PCDHGB4: variants seen among roughly 807,000 people sequenced by gnomAD.
The protein encoded by PCDHGB4 is protocadherin gamma-B4.
A neutral mutation model predicts 60.5 loss-of-function variants in PCDHGB4; 38 were observed. The observed-to-expected ratio is 0.63, with a 90% CI of 0.48 to 0.82. The LOEUF (loss-of-function observed/expected upper bound fraction) is 0.82. Among genes scored for constraint, PCDHGB4 ranks in the 40% least tolerant of loss-of-function variants. PCDHGB4 has a pLI of 0.00. For synonymous variants in PCDHGB4, 456 were observed against 509.7 expected (o/e 0.89, Z 1.42); for missense variants, 1,109 against 1,209.6 (o/e 0.92, Z 1.23).
In PCDHGB4 at chr5:141,477,191, A is replaced by G; in HGVS notation, c.2398-17616A>G. ...GGAGATCACAGTCACCTCCGTGTACAGCCCAGTACCCGAGGATGCCCCTCT... is the reference window on the plus strand; with the variant it reads ...GGAGATCACAGTCACCTCCGTGTACGGCCCAGTACCCGAGGATGCCCCTCT... On this transcript the variant is annotated intron_variant, in intron 1 of 3. Transcript: ENST00000519479. This position sits in a 1 kb window ranked among gnomAD's most constrained non-coding sequence, Gnocchi z 4.9. 5.0e-6 allele frequency: 8 copies of G among 1,614,210 alleles called. No homozygotes were observed. The highest frequency in any genetic ancestry group is 6.8e-6 in the Non-Finnish European group (8 of 1,180,044).
In PCDHGB4 at chr5:141,485,429, A is replaced by T. The variant is rs1388904857; in HGVS notation, c.2398-9378A>T. On this transcript the variant is annotated intron_variant, in intron 1 of 3. Transcript: ENST00000519479. This position sits in a 1 kb window ranked among gnomAD's most constrained non-coding sequence, Gnocchi z 5.7. Reference sequence around the variant, plus strand: ...GGATTTGGACAGCGGAGCCCTGCTCATCAAGAACCCAATCGACCGAGAGGC... The same window carrying T: ...GGATTTGGACAGCGGAGCCCTGCTCTTCAAGAACCCAATCGACCGAGAGGC... The T allele has an allele frequency of 6.2e-7, 1 of 1,614,090 alleles. No homozygotes were observed. Among genetic ancestry groups the T allele is most frequent in the Non-Finnish European group, 8.5e-7 (1 of 1,180,052 alleles).
chr5:141,500,871 T>C (rs2154592764), intron 2 of PCDHGB4, among the ~76,000 whole-genome samples: 1 of 135,840 alleles, frequency 7.4e-6, no homozygotes, highest in African/African-American at 3.0e-5. Context: ...TACACATTCA[T>C]TTACAATTTT....
rs544096177 is a variant in PCDHGB4 at position 141,389,391 on chromosome 5, G to C, written c.1507G>C (p.Val503Leu). Residue 503 changes from valine to leucine, a missense_variant, in exon 1 of 4, where the codon GTG becomes CTG. By Grantham distance (32) the Val-to-Leu change is conservative (BLOSUM62 1). Around this residue, in one of 2 missense-constraint regions of PCDHGB4, gnomAD observed 1,068 missense variants for 1,089.9 expected, o/e 0.98. Transcript: ENST00000519479. ...GGAGCAGCGGGAGCTGTCATCCTAC[G>C]TGTCCATAAGCGCGGAGAGCGGGGT... is the stretch of plus-strand genomic sequence containing the variant. ...DLEQRELSSYVSISAESGVVF... is the reference protein window; with the variant it reads ...DLEQRELSSYLSISAESGVVF... 5.6e-6 allele frequency: 9 copies of C among 1,613,686 alleles called. No individual in the cohort carries two copies. Among genetic ancestry groups the C allele is most frequent in the African/African-American group, 1.3e-5 (1 of 75,070 alleles).
intron 1 of PCDHGB4, chr5:141,413,021 C>A: frequency 2.8e-6 from 2 of 714,374 alleles, no homozygotes; most frequent in Non-Finnish European, 4.4e-6. Context: ...TACACAAGCC[C>A]CACAAACCGG....
intron 1 of PCDHGB4, among the ~76,000 whole-genome samples, chr5:141,434,609 G>T (rs189866750): frequency 1.3e-5 from 2 of 151,946 alleles, no homozygotes; most frequent in Non-Finnish European, 2.9e-5. Flanking sequence ...CTTTATTTCC[G>T]CCCATCTCTT....
intron 2 of PCDHGB4, among the ~76,000 whole-genome samples, chr5:141,497,158 T>A (rs2099774560): frequency 6.6e-6 from 1 of 151,860 alleles, no homozygotes; most frequent in African/African-American, 2.4e-5. Flanking sequence ...AAAAATAATC[T>A]AGCCACAAAT....
chr5:141,408,889 A>G, intron 1 of PCDHGB4: 1 of 1,613,232 alleles, frequency 6.2e-7, no homozygotes, highest in Non-Finnish European at 8.5e-7. Flanking sequence ...CTCACATAGA[A>G]ATTTCTGTCA....
chr5:141,395,077 AG>A lies in PCDHGB4; in HGVS notation c.2397+4798del, dbSNP rs747226962. 4.3e-6 allele frequency: 7 copies of A among 1,614,024 alleles called. No individual in the cohort carries two copies. The African/African-American group carries it at 9.3e-5, about 22-fold the overall frequency. On this transcript the variant is annotated intron_variant, in intron 1 of 3. Transcript: ENST00000519479. ...CAGGCTTTCCTGCAGACCTATTCCC[AG>A]GAAGTCTCCCTCACCGCCGACTCGC...
chr5:141,422,715 T>C, intron 1 of PCDHGB4: 7 of 1,603,978 alleles, frequency 4.4e-6, no homozygotes, highest in African/African-American at 1.3e-5. Context: ...CGGATGACAC[T>C]GTCCAGGGGG....
chr5:141,472,218 G>A (rs1206861601), intron 1 of PCDHGB4, among the ~76,000 whole-genome samples: 3 of 152,054 alleles, frequency 2.0e-5, no homozygotes, highest in Admixed American at 2.0e-4. Flanking sequence ...CCTTACTCTC[G>A]ATCATATAAT....
At chr5:141,405,560 G>A in intron 1 of PCDHGB4, 1 of 613,636 alleles carries the variant, frequency 1.6e-6, no homozygotes, top group Non-Finnish European at 2.9e-6. Context: ...GAGTAGCTGG[G>A]ACTAGAGTAG....
rs747811019 is a variant in PCDHGB4 at position 141,490,069 on chromosome 5, C to T, written c.2398-4738C>T. 6 of 1,614,150 alleles carry T rather than the reference C, an allele frequency of 3.7e-6. No homozygotes were observed. Among genetic ancestry groups the T allele is most frequent in the Non-Finnish European group, 5.1e-6 (6 of 1,180,044 alleles). ...TCCAGACGAGGGCACCAACGGCCAA[C>T]TAGACTATTCTTTTGGAGACCACAC... On this transcript the variant is annotated intron_variant, in intron 1 of 3. Transcript: ENST00000519479. This position sits in a 1 kb window ranked among gnomAD's most constrained non-coding sequence, Gnocchi z 5.4.
intron 1 of PCDHGB4, chr5:141,427,761 G>A (rs1228905550): frequency 3.7e-6 from 5 of 1,366,246 alleles, no homozygotes; most frequent in Non-Finnish European, 4.1e-6. Flanking sequence ...CGTTACCACT[G>A]ACTTGGAGCT....
intron 1 of PCDHGB4, among the ~76,000 whole-genome samples, chr5:141,466,534 T>C (rs1343781541): frequency 6.6e-6 from 1 of 152,214 alleles, no homozygotes; most frequent in Non-Finnish European, 1.5e-5. Flanking sequence ...CAAATTGATG[T>C]AGATGGTCTT....
intron 1 of PCDHGB4, among the ~76,000 whole-genome samples, chr5:141,460,221 C>T (rs931609262): frequency 3.4e-4 from 51 of 151,918 alleles, no homozygotes; most frequent in African/African-American, 1.2e-3. Flanking sequence ...TTAGTTGTGT[C>T]TTTTGAAGAG....
At chr5:141,408,598 A>G (rs1391583761) in intron 1 of PCDHGB4, 1 of 1,614,070 alleles carries the variant, frequency 6.2e-7, no homozygotes, top group Admixed American at 1.7e-5. Flanking sequence ...ACGCCCCTCA[A>G]TTTGATAAAA....
chr5:141,393,460 A>ATGGC (rs754334472), intron 1 of PCDHGB4: 1 of 1,614,052 alleles, frequency 6.2e-7, no homozygotes, highest in South Asian at 1.1e-5. Flanking sequence ...ACGGCCTCGG[A>ATGGC]TGGCGGCAAG....
Position 141,491,954 on chromosome 5 carries a change from C to A in PCDHGB4, c.2398-2853C>A. ...TGGGACCGACCCCCACCCCTACACT[C>A]AAAAAAGGCCGGGGCCTCCTTCGAG... On this transcript the variant is annotated intron_variant, in intron 1 of 3. Transcript: ENST00000519479. This position sits in a 1 kb window ranked among gnomAD's most constrained non-coding sequence, Gnocchi z 6.9. The A allele has an allele frequency of 9.7e-7, 1 of 1,032,914 alleles. No individual in the cohort carries two copies. Among genetic ancestry groups the A allele is most frequent in the Non-Finnish European group, 1.3e-6 (1 of 747,256 alleles). The allele number at this position is 1,032,914 out of a possible 1,614,324, so 64.0% of individuals were successfully genotyped here.
intron 3 of PCDHGB4, among the ~76,000 whole-genome samples, chr5:141,510,531 T>C (rs1459536719): frequency 6.6e-6 from 1 of 152,078 alleles, no homozygotes; most frequent in Non-Finnish European, 1.5e-5. Context: ...CTGAGAGAAA[T>C]ACCAGCGAAT....
Sources: gnomAD v4.1 joint callset for allele counts (sites outside exome capture counted in the v4.1 genomes callset) on GRCh38, gnomAD v4.1.1 for gene constraint, gnomAD v4.1.1 regional missense constraint, Gnocchi (gnomAD v3.1) non-coding constraint, MANE v1.5 for transcripts, NCBI Gene and HGNC (gene_info 2026-07-23, HGNC 2026-07-21) for gene names.